Variants in SLC35F1 observed in about 807,000 individuals in gnomAD.
The protein encoded by SLC35F1 is chromosome 6 open reading frame 169.
In SLC35F1, 14 loss-of-function variants were observed where a neutral mutation model predicts 48.7. The ratio of observed to expected loss-of-function variants is 0.29; its 90% CI spans 0.19 to 0.45. The LOEUF (loss-of-function observed/expected upper bound fraction) is 0.45. Among genes scored for constraint, SLC35F1 ranks in the 20% least tolerant of loss-of-function variants. The pLI is 1.00. For missense variants in SLC35F1, 404 were observed against 500.0 expected (o/e 0.81, Z 1.83); for synonymous variants, 190 against 202.2 (o/e 0.94, Z 0.51).
intron 1 of SLC35F1, among the ~76,000 whole-genome samples, chr6:118,120,652 A>G (rs1270182108): frequency 6.6e-6 from 1 of 152,154 alleles, no homozygotes; most frequent in East Asian, 1.9e-4. Flanking sequence ...AAGGGCTCAA[A>G]CCACAAATTC....
chr6:117,946,861 T>C (rs1350582380), intron 1 of SLC35F1, among the ~76,000 whole-genome samples: 3 of 152,216 alleles, frequency 2.0e-5, no homozygotes. Flanking sequence ...ATTTTCAACA[T>C]GGAAAGCTGT....
intron 1 of SLC35F1, among the ~76,000 whole-genome samples, chr6:118,061,383 A>G (rs1003493318): frequency 6.6e-6 from 1 of 152,152 alleles, no homozygotes; most frequent in African/African-American, 2.4e-5. Flanking sequence ...GTCCTTCTAA[A>G]ATTGCTTTTC....
intron 1 of SLC35F1, among the ~76,000 whole-genome samples, chr6:118,123,592 G>T (rs1242853991): frequency 2.0e-5 from 3 of 152,128 alleles, no homozygotes; most frequent in African/African-American, 7.2e-5. Context: ...TGCCAATTTT[G>T]GATGTGATGC....
At chr6:118,099,415 A>G (rs1331656043) in intron 1 of SLC35F1, among the ~76,000 whole-genome samples, 3 of 151,896 alleles carry the variant, frequency 2.0e-5, no homozygotes, top group African/African-American at 7.3e-5. Context: ...TAACCAGGAG[A>G]TGGTTTGCAT....
intron 1 of SLC35F1, among the ~76,000 whole-genome samples, chr6:117,960,102 G>A (rs901707916): frequency 1.3e-5 from 2 of 152,044 alleles, no homozygotes; most frequent in African/African-American, 4.8e-5. Flanking sequence ...TGAAGAGGGT[G>A]CTAGGGTTAT....
At chr6:117,916,986 A>G (rs1277254841) in intron 1 of SLC35F1, among the ~76,000 whole-genome samples, 1 of 152,242 alleles carries the variant, frequency 6.6e-6, no homozygotes, top group African/African-American at 2.4e-5. Context: ...CAAGAAAGGC[A>G]GGCAATAAAA....
intron 1 of SLC35F1, among the ~76,000 whole-genome samples, chr6:118,104,365 T>G (rs1773300823): frequency 6.6e-6 from 1 of 152,174 alleles, no homozygotes; most frequent in Admixed American, 6.6e-5. Context: ...TTATTTAACC[T>G]CCCTAATTCT....
In SLC35F1 at chr6:118,076,320, T is replaced by C. The variant is rs545581356; in HGVS notation, c.174-78125T>C. Among the ~76,000 whole-genome samples the C allele has an allele frequency of 9.2e-5, 14 of 152,336 alleles. No individual in the cohort carries two copies. The South Asian group carries it at 2.7e-3, about 29-fold the overall frequency. ...GAGGTGGGAAGTTTTATCTAGCTAA[T>C]TGTTTCCAACATTGTTGGTGTATTA... On this transcript the variant is annotated intron_variant, in intron 1 of 7. Coordinates refer to ENST00000360388, the MANE Select transcript of SLC35F1 (RefSeq NM_001029858.4).
rs182016280 is a variant in SLC35F1 at position 118,275,705 on chromosome 6, C to T, written c.794+90C>T. 313 of 1,303,718 alleles carry T rather than the reference C, an allele frequency of 2.4e-4. 1 individual carries two copies. Among genetic ancestry groups the T allele is most frequent in the Non-Finnish European group, 3.2e-4 (303 of 942,428 alleles). The allele number at this position is 1,303,718 out of a possible 1,614,324, so 80.8% of individuals were successfully genotyped here. ...TGTTCTTGGGATGTAAAAATCAAGGCTGGAATCCAGACACCAGCTTCCTGT... is the reference window on the plus strand; with the variant it reads ...TGTTCTTGGGATGTAAAAATCAAGGTTGGAATCCAGACACCAGCTTCCTGT... On this transcript the variant is annotated intron_variant, in intron 5 of 7. Coordinates refer to ENST00000360388, the MANE Select transcript of SLC35F1 (RefSeq NM_001029858.4).
chr6:118,030,350 C>T (rs1280751719), intron 1 of SLC35F1, among the ~76,000 whole-genome samples: 2 of 152,094 alleles, frequency 1.3e-5, no homozygotes, highest in East Asian at 3.9e-4. Context: ...TTTGTGTCTC[C>T]CATCAGTGAC....
At chr6:118,230,440 T>C (rs1290539919) in intron 2 of SLC35F1, among the ~76,000 whole-genome samples, 1 of 152,168 alleles carries the variant, frequency 6.6e-6, no homozygotes, top group African/African-American at 2.4e-5. Context: ...TTGAATAAAT[T>C]GTGGCATACT....
At chr6:117,908,243 C>A (rs1424135325) in intron 1 of SLC35F1, among the ~76,000 whole-genome samples, 1 of 151,860 alleles carries the variant, frequency 6.6e-6, no homozygotes, top group Non-Finnish European at 1.5e-5. Context: ...CCCGGCTTTG[C>A]GATCGGGGGT....
intron 2 of SLC35F1, 101 bp downstream of exon 2, chr6:118,154,721 TC>T: frequency 1.7e-6 from 2 of 1,178,376 alleles, no homozygotes; most frequent in South Asian, 3.7e-5. Context: ...TCAGTTAAGA[TC>T]ATTGAAAACC....
At chr6:117,957,898 G>C (rs544151034) in intron 1 of SLC35F1, among the ~76,000 whole-genome samples, 1 of 152,228 alleles carries the variant, frequency 6.6e-6, no homozygotes, top group South Asian at 2.1e-4. Context: ...TGTTATTTTA[G>C]ACGGTACTCC....
At chr6:118,138,751 G>C (rs1258487185) in intron 1 of SLC35F1, among the ~76,000 whole-genome samples, 1 of 152,006 alleles carries the variant, frequency 6.6e-6, no homozygotes, top group Non-Finnish European at 1.5e-5. Flanking sequence ...TGACCCTGCA[G>C]TATTATATCC....
chr6:118,086,335 C>CT (rs1772989584), intron 1 of SLC35F1, among the ~76,000 whole-genome samples: 1 of 152,200 alleles, frequency 6.6e-6, no homozygotes, highest in Non-Finnish European at 1.5e-5. Context: ...ACTTTCTGTG[C>CT]TTTCTCAAAG....
chr6:118,043,836 C>A (rs1052930579), intron 1 of SLC35F1, among the ~76,000 whole-genome samples: 2 of 152,194 alleles, frequency 1.3e-5, no homozygotes, highest in Non-Finnish European at 2.9e-5. Context: ...CTCAGATCTA[C>A]AGGTAAATAA....
intron 2 of SLC35F1, among the ~76,000 whole-genome samples, chr6:118,158,938 C>T (rs205961): frequency 0.76 from 115,728 of 152,106 alleles, 44,295 homozygotes; most frequent in African/African-American, 0.85. Context: ...AAAAAATGCT[C>T]GGCTGGGCGT....
intron 2 of SLC35F1, among the ~76,000 whole-genome samples, chr6:118,218,691 A>G (rs1775106333): frequency 6.6e-6 from 1 of 152,180 alleles, no homozygotes; most frequent in South Asian, 2.1e-4. Context: ...CGTCATATTA[A>G]AAGCTGTGTA....
Sources: gnomAD v4.1 joint callset for allele counts (sites outside exome capture counted in the v4.1 genomes callset) on GRCh38, gnomAD v4.1.1 for gene constraint, MANE v1.5 for transcripts, NCBI Gene and HGNC (gene_info 2026-07-23, HGNC 2026-07-21) for gene names.